The following TMEM229B variants were observed in gnomAD, a reference collection of about 807,000 sequenced individuals.
TMEM229B encodes the protein chromosome 14 open reading frame 83.
A neutral mutation model predicts 13.7 loss-of-function variants in TMEM229B; 6 were observed. That is an observed-to-expected ratio of 0.44 (90% CI 0.24 to 0.86). The LOEUF (loss-of-function observed/expected upper bound fraction) is 0.86. TMEM229B is among the 40% of genes least tolerant of loss of function. The pLI is 0.23. For synonymous variants in TMEM229B, 107 were observed against 102.1 expected (o/e 1.05, Z -0.29); for missense variants, 170 against 236.0 (o/e 0.72, Z 1.83).
upstream of TMEM229B, among the ~76,000 whole-genome samples, chr14:67,491,142 A>G (rs1407618090): frequency 6.6e-6 from 1 of 152,112 alleles, no homozygotes; most frequent in African/African-American, 2.4e-5. Flanking sequence ...GGTTCTATTA[A>G]TTTGCTAGGA....
intron 1 of TMEM229B, among the ~76,000 whole-genome samples, chr14:67,526,688 C>G (rs1419488089): frequency 6.6e-6 from 1 of 152,150 alleles, no homozygotes; most frequent in African/African-American, 2.4e-5. Flanking sequence ...GGGAATGGAT[C>G]TGGCCCTACA....
upstream of TMEM229B, among the ~76,000 whole-genome samples, chr14:67,516,234 A>G (rs2033198018): frequency 6.6e-6 from 1 of 152,198 alleles, no homozygotes; most frequent in South Asian, 2.1e-4. Context: ...TGGGTGCCTC[A>G]GCCAAGAGGA....
chr14:67,484,193 C>T (rs1177934208), intron 2 of TMEM229B, among the ~76,000 whole-genome samples: 1 of 152,218 alleles, frequency 6.6e-6, no homozygotes, highest in Non-Finnish European at 1.5e-5. Context: ...TGGTCTGTCT[C>T]TCCTCAACTA....
At chr14:67,508,202 T>C (rs1348831203) in intron 1 of TMEM229B, among the ~76,000 whole-genome samples, 1 of 151,570 alleles carries the variant, frequency 6.6e-6, no homozygotes, top group Non-Finnish European at 1.5e-5. Context: ...CCTCCAGCTC[T>C]GACTTTGTTC....
upstream of TMEM229B, among the ~76,000 whole-genome samples, chr14:67,518,221 G>A (rs1043959173): frequency 9.2e-5 from 14 of 152,190 alleles, no homozygotes; most frequent in Non-Finnish European, 7.3e-5. Context: ...CAAGAGGAGC[G>A]GTGTGGTGGT....
At position 67,473,703 on chromosome 14, in the gene TMEM229B, AGCAGCGGGCAGCGGCCGCGCAGCC is replaced by A; in HGVS notation, c.197_220del (p.Arg66_Leu73del). The A allele has an allele frequency of 6.3e-7, 1 of 1,594,904 alleles. No homozygotes were observed. Reference sequence around the variant, plus strand: ...GAGCGTGTAGATGAGGCAGCGCAGGAGCAGCGGGCAGCGGCCGCGCAGCCGCAGGTACATGCGCTCCACGATGAG... The same window carrying A: ...GAGCGTGTAGATGAGGCAGCGCAGGAGCAGGTACATGCGCTCCACGATGAG... On this transcript the variant is annotated inframe_deletion, in exon 3 of 3. Transcript: ENST00000554480. The surrounding 1 kb of genome is among the most constrained non-coding windows in gnomAD (Gnocchi z 6.5).
chr14:67,479,883 C>T lies in TMEM229B; in HGVS notation c.-18-5942G>A, dbSNP rs73288659. ...CCTCCTGTGTCATCCAACAACAAACCATGCCTCACAGGTCTCAATATGGCC... is the reference window on the plus strand; with the variant it reads ...CCTCCTGTGTCATCCAACAACAAACTATGCCTCACAGGTCTCAATATGGCC... On this transcript the variant is annotated intron_variant, in intron 2 of 2. Transcript: ENST00000554480. 6.2e-3 allele frequency among the ~76,000 whole-genome samples: 940 copies of T among 152,156 alleles called. 8 individuals carry two copies. The highest frequency in any genetic ancestry group is 0.022 in the African/African-American group (902 of 41,490).
At chr14:67,514,120 C>T (rs1390170387) in intron 1 of TMEM229B, among the ~76,000 whole-genome samples, 1 of 152,168 alleles carries the variant, frequency 6.6e-6, no homozygotes, top group Admixed American at 6.5e-5. Context: ...CAAGGTTACA[C>T]CAGCAGAAAG....
chr14:67,504,290 A>G (rs2032733937), intron 1 of TMEM229B, among the ~76,000 whole-genome samples: 1 of 152,240 alleles, frequency 6.6e-6, no homozygotes, highest in Non-Finnish European at 1.5e-5. Flanking sequence ...CTGGGGTTGC[A>G]GGCGTGAGCC....
intron 1 of TMEM229B, among the ~76,000 whole-genome samples, chr14:67,525,502 T>G (rs57751399): frequency 0.013 from 1,918 of 152,328 alleles, 45 homozygotes; most frequent in African/African-American, 0.044. Context: ...CTATAAATAT[T>G]AGGGGCACCC....
upstream of TMEM229B, among the ~76,000 whole-genome samples, chr14:67,515,766 G>A (rs2033187741): frequency 6.6e-6 from 1 of 152,208 alleles, no homozygotes; most frequent in South Asian, 2.1e-4. Flanking sequence ...GGGTACCATT[G>A]CAGGCCCGGG....
intron 1 of TMEM229B, among the ~76,000 whole-genome samples, chr14:67,522,003 G>A (rs116943208): frequency 0.04 from 6,154 of 152,086 alleles, 162 homozygotes; most frequent in Non-Finnish European, 0.061. Context: ...AGTGAAAGTC[G>A]TCTCTACTAA....
intron 1 of TMEM229B, among the ~76,000 whole-genome samples, chr14:67,514,841 C>T (rs1462017968): frequency 6.6e-6 from 1 of 152,230 alleles, no homozygotes; most frequent in Non-Finnish European, 1.5e-5. Context: ...CGCCCATCCC[C>T]CGCAGGGAAT....
At position 67,471,013 on chromosome 14, in the gene TMEM229B, T is replaced by C. The variant is rs1002366061; in HGVS notation, c.*2407A>G. 3 of 152,312 alleles carry C rather than the reference T, an allele frequency of 2.0e-5. No individual in the cohort carries two copies. The highest frequency in any genetic ancestry group is 1.9e-4 in the East Asian group (1 of 5,182). 9.4% of individuals were successfully genotyped at this position (152,312 alleles called of 1,614,324 possible). ...CTATCCCTGGTGAGATCTGAACCTG[T>C]AGATCCCGTGGTCAGGCCATGGGTT... is the stretch of plus-strand genomic sequence containing the variant. On this transcript the variant is annotated 3_prime_UTR_variant, in exon 3 of 3. Transcript: ENST00000554480.
At chr14:67,519,996 C>T (rs187734913), upstream of TMEM229B, among the ~76,000 whole-genome samples, 1 of 151,982 alleles carries the variant, frequency 6.6e-6, no homozygotes, top group East Asian at 1.9e-4. Context: ...GTGCTGGGAT[C>T]ATAGGCGTGA....
At chr14:67,474,166 C>A (rs1322405470) in intron 2 of TMEM229B, among the ~76,000 whole-genome samples, 12 of 151,982 alleles carry the variant, frequency 7.9e-5, no homozygotes, top group Non-Finnish European at 5.9e-5. Flanking sequence ...GCAGAAGAAT[C>A]GCTTGAACCC....
At chr14:67,522,248 C>T (rs146544667) in intron 1 of TMEM229B, among the ~76,000 whole-genome samples, 2 of 152,262 alleles carry the variant, frequency 1.3e-5, no homozygotes, top group African/African-American at 2.4e-5. Flanking sequence ...CACATATCCC[C>T]GTACCCGCTC....
At chr14:67,522,253 C>A (rs1172502356) in intron 1 of TMEM229B, among the ~76,000 whole-genome samples, 1 of 152,162 alleles carries the variant, frequency 6.6e-6, no homozygotes, top group Non-Finnish European at 1.5e-5. Context: ...ATCCCCGTAC[C>A]CGCTCCTCTC....
At chr14:67,491,894 C>A (rs73288667), upstream of TMEM229B, among the ~76,000 whole-genome samples, 1,290 of 152,288 alleles carry the variant, frequency 8.5e-3, 26 homozygotes, top group African/African-American at 0.03. Flanking sequence ...GCCCAGGCCG[C>A]GGGGGCCTGC....
Sources: gnomAD v4.1 joint callset for allele counts (sites outside exome capture counted in the v4.1 genomes callset) on GRCh38, gnomAD v4.1.1 for gene constraint, Gnocchi (gnomAD v3.1) non-coding constraint, MANE v1.5 for transcripts, NCBI Gene and HGNC (gene_info 2026-07-23, HGNC 2026-07-21) for gene names.